Variants in FARS2 observed in about 807,000 individuals in gnomAD.
FARS2 encodes the protein phenylalanyl-tRNA synthetase 2, mitochondrial, also known as phenylalanine--tRNA ligase, mitochondrial.
In FARS2, 40 loss-of-function variants were observed where a neutral mutation model predicts 46.4. The observed-to-expected ratio is 0.86, with a 90% CI of 0.67 to 1.12. The LOEUF is 1.12. Ranked by LOEUF, FARS2 falls within the 50% of genes most tolerant of loss-of-function variation. The pLI is 0.00. For synonymous variants in FARS2, 234 were observed against 214.9 expected (o/e 1.09, Z -0.78); for missense variants, 513 against 567.9 (o/e 0.90, Z 0.98).
chr6:5,461,941 G>A (rs1765264988), intron 4 of FARS2, among the ~76,000 whole-genome samples: 1 of 152,194 alleles, frequency 6.6e-6, no homozygotes, highest in African/African-American at 2.4e-5. Context: ...AGGCACCCAG[G>A]AGTAGAATTG....
chr6:5,434,946 C>G (rs765521716), intron 4 of FARS2, among the ~76,000 whole-genome samples: 4 of 152,166 alleles, frequency 2.6e-5, no homozygotes, highest in Non-Finnish European at 5.9e-5. Flanking sequence ...TGGCAGACAT[C>G]AGTTGAGCCC....
intron 5 of FARS2, among the ~76,000 whole-genome samples, chr6:5,579,447 T>C (rs1366979336): frequency 6.6e-6 from 1 of 152,086 alleles, no homozygotes; most frequent in East Asian, 1.9e-4. Flanking sequence ...CTAATTTTTG[T>C]ATTTTTAGTA....
intron 4 of FARS2, among the ~76,000 whole-genome samples, chr6:5,432,941 T>C (rs1054311260): frequency 6.6e-6 from 1 of 152,126 alleles, no homozygotes; most frequent in Non-Finnish European, 1.5e-5. Context: ...TTAGGTACTC[T>C]CCATCTGCAG....
intron 6 of FARS2, among the ~76,000 whole-genome samples, chr6:5,645,335 G>T (rs1777023892): frequency 6.6e-6 from 1 of 152,196 alleles, no homozygotes; most frequent in Admixed American, 6.5e-5. Flanking sequence ...TGTTATTTTA[G>T]ATTTATTCAA....
chr6:5,573,320 T>C (rs1772764742), intron 5 of FARS2, among the ~76,000 whole-genome samples: 1 of 152,214 alleles, frequency 6.6e-6, no homozygotes, highest in African/African-American at 2.4e-5. Flanking sequence ...AGGCAACTTT[T>C]ATTGAGTGCT....
intron 6 of FARS2, among the ~76,000 whole-genome samples, chr6:5,709,499 C>T (rs1758973228): frequency 6.6e-6 from 1 of 152,086 alleles, no homozygotes; most frequent in South Asian, 2.1e-4. Flanking sequence ...TTTGCACTCA[C>T]CTTTGGAAAG....
At position 5,471,787 on chromosome 6, in the gene FARS2, C is replaced by G. The variant is rs1052280797; in HGVS notation, c.904+40615C>G. ...GGCAGGGTCTTGTCCCACCAGTGCACATGGTGCGCCCCGTCTGACACCAGG... is the reference window on the plus strand; with the variant it reads ...GGCAGGGTCTTGTCCCACCAGTGCAGATGGTGCGCCCCGTCTGACACCAGG... On this transcript the variant is annotated intron_variant, in intron 4 of 6. Transcript: ENST00000274680. This position sits in a 1 kb window ranked among gnomAD's most constrained non-coding sequence, Gnocchi z 4.1. Among the ~76,000 whole-genome samples the G allele has an allele frequency of 3.3e-5, 5 of 152,208 alleles. No individual in the cohort carries two copies. The highest frequency in any genetic ancestry group is 5.9e-5 in the Non-Finnish European group (4 of 68,038).
intron 6 of FARS2, among the ~76,000 whole-genome samples, chr6:5,675,612 C>T (rs2142738): frequency 0.5 from 76,550 of 151,978 alleles, 19,764 homozygotes; most frequent in East Asian, 0.71. Flanking sequence ...AGTAATTATA[C>T]AGTATGTCTT....
Position 5,431,129 on chromosome 6 carries a change from A to G in FARS2, c.861A>G (p.Glu287=). The G allele has an allele frequency of 6.2e-7, 1 of 1,614,034 alleles. No individual in the cohort carries two copies. The highest frequency in any genetic ancestry group is 1.3e-5 in the African/African-American group (1 of 75,038). Residue 287 remains glutamate, a synonymous_variant, in exon 4 of 7, where the codon GAA becomes GAG. Transcript: ENST00000274680. ...TCAACTTTCATGGAGAATGGCTGGA[A>G]GTTCTTGGCTGCGGGGTGATGGAAC... is the stretch of plus-strand genomic sequence containing the variant. ...MEINFHGEWL[E]VLGCGVMEQQ...
At chr6:5,467,868 TAAG>T (rs146630178) in intron 4 of FARS2, among the ~76,000 whole-genome samples, 1,565 of 152,304 alleles carry the variant, frequency 0.01, 34 homozygotes, top group African/African-American at 0.035. Context: ...CTCATTACCT[TAAG>T]AAAGTTATCA....
intron 6 of FARS2, among the ~76,000 whole-genome samples, chr6:5,693,570 G>T (rs533930203): frequency 6.6e-6 from 1 of 152,196 alleles, no homozygotes; most frequent in South Asian, 2.1e-4. Flanking sequence ...GTAAAAATCT[G>T]GTTATCTATT....
rs1762726364 is a variant in FARS2 at position 5,765,915 on chromosome 6, G to A, written c.1218-5376G>A. Among the ~76,000 whole-genome samples, 1 of 152,148 alleles carries A rather than the reference G, an allele frequency of 6.6e-6. No homozygotes were observed. The highest frequency in any genetic ancestry group is 1.5e-5 in the Non-Finnish European group (1 of 68,024). ...ATCTATGAATAAACTGGTGACAATG[G>A]AAGCCCCAGAGGTTCAAACATTCTA... On this transcript the variant is annotated intron_variant, in intron 6 of 6. Transcript: ENST00000274680. This position sits in a 1 kb window ranked among gnomAD's most constrained non-coding sequence, Gnocchi z 4.0.
chr6:5,731,854 C>G (rs1760643375), intron 6 of FARS2, among the ~76,000 whole-genome samples: 1 of 152,212 alleles, frequency 6.6e-6, no homozygotes, highest in South Asian at 2.1e-4. Context: ...ACCCTTCCCC[C>G]TCTCAGTGTC....
At chr6:5,532,810 G>T (rs1419676583) in intron 4 of FARS2, among the ~76,000 whole-genome samples, 1 of 150,176 alleles carries the variant, frequency 6.7e-6, no homozygotes, top group Non-Finnish European at 1.5e-5. Flanking sequence ...AGAAGAAGAA[G>T]AATGTTAATT....
chr6:5,594,653 A>C (rs918368702), intron 5 of FARS2, among the ~76,000 whole-genome samples: 1 of 152,166 alleles, frequency 6.6e-6, no homozygotes, highest in African/African-American at 2.4e-5. Context: ...GGAATTAATG[A>C]AACTTAAAAC....
intron 2 of FARS2, among the ~76,000 whole-genome samples, chr6:5,369,850 T>C (rs1758932593): frequency 6.6e-6 from 1 of 151,884 alleles, no homozygotes; most frequent in Non-Finnish European, 1.5e-5. Context: ...TTAGATGTTA[T>C]CCTAATACGT....
intron 6 of FARS2, among the ~76,000 whole-genome samples, chr6:5,687,554 C>T (rs900204570): frequency 9.2e-5 from 14 of 152,144 alleles, no homozygotes; most frequent in East Asian, 3.8e-4. Flanking sequence ...CTCCATTGGT[C>T]TATATCTCTG....
At chr6:5,381,548 G>C (rs561379541) in intron 2 of FARS2, among the ~76,000 whole-genome samples, 2 of 152,070 alleles carry the variant, frequency 1.3e-5, no homozygotes, top group African/African-American at 4.8e-5. Flanking sequence ...CTTTTAATAG[G>C]TAATTCCCAA....
At chr6:5,273,874 T>A (rs1175052841) in intron 1 of FARS2, among the ~76,000 whole-genome samples, 1 of 152,212 alleles carries the variant, frequency 6.6e-6, no homozygotes, top group Non-Finnish European at 1.5e-5. Context: ...GAACTTAGCA[T>A]CATTTATTGA....
Sources: gnomAD v4.1 joint callset for allele counts (sites outside exome capture counted in the v4.1 genomes callset) on GRCh38, gnomAD v4.1.1 for gene constraint, Gnocchi (gnomAD v3.1) non-coding constraint, MANE v1.5 for transcripts, NCBI Gene and HGNC (gene_info 2026-07-23, HGNC 2026-07-21) for gene names.